Variants in HMBOX1 observed in about 807,000 individuals in gnomAD.
HMBOX1 encodes homeobox-containing protein 1.
HMBOX1 carries 14 observed loss-of-function variants against 54.5 expected under a neutral mutation model. The ratio of observed to expected loss-of-function variants is 0.26; its 90% CI spans 0.17 to 0.40. The LOEUF (loss-of-function observed/expected upper bound fraction) is 0.40, where lower values mean the gene tolerates loss of function less well. Among genes scored for constraint, HMBOX1 ranks in the 10% least tolerant of loss-of-function variants. HMBOX1 has a pLI of 1.00. For synonymous variants in HMBOX1, 160 were observed against 181.0 expected (o/e 0.88, Z 0.93); for missense variants, 332 against 514.4 (o/e 0.65, Z 3.43).
At chr8:29,019,007 C>G in intron 6 of HMBOX1, 94 bp downstream of exon 6, 4 of 1,057,796 alleles carry the variant, frequency 3.8e-6, no homozygotes, top group Non-Finnish European at 5.6e-6. Flanking sequence ...AAACAAGTAA[C>G]TTGGTATCTT....
At chr8:28,939,060 TGG>T (rs1302278711) in intron 1 of HMBOX1, among the ~76,000 whole-genome samples, 1 of 151,720 alleles carries the variant, frequency 6.6e-6, no homozygotes, top group East Asian at 1.9e-4. Flanking sequence ...GAGGCTGAGG[TGG>T]GCGGATCACC....
chr8:28,929,916 C>CT (rs1819183781), intron 1 of HMBOX1, among the ~76,000 whole-genome samples: 1 of 151,838 alleles, frequency 6.6e-6, no homozygotes, highest in Admixed American at 6.6e-5. Flanking sequence ...CAGAACGTTT[C>CT]TAACACCCCG....
chr8:28,951,015 A>C (rs1336344809), intron 1 of HMBOX1, among the ~76,000 whole-genome samples: 1 of 152,220 alleles, frequency 6.6e-6, no homozygotes, highest in Non-Finnish European at 1.5e-5. Context: ...CTCTAAGATC[A>C]TATGACAGTA....
intron 1 of HMBOX1, among the ~76,000 whole-genome samples, chr8:28,926,914 G>T (rs1175171298): frequency 1.3e-5 from 2 of 152,070 alleles, no homozygotes; most frequent in Non-Finnish European, 2.9e-5. Flanking sequence ...ATTTTTGTGA[G>T]GTAGGGAGTT....
At chr8:29,003,082 GT>G (rs995633019) in intron 4 of HMBOX1, among the ~76,000 whole-genome samples, 3 of 142,824 alleles carry the variant, frequency 2.1e-5, no homozygotes, top group African/African-American at 7.6e-5. Flanking sequence ...GTACAGTCTT[GT>G]CTTTTTTTTT....
intron 1 of HMBOX1, among the ~76,000 whole-genome samples, chr8:28,945,332 A>T (rs1206664091): frequency 6.6e-6 from 1 of 152,240 alleles, no homozygotes; most frequent in East Asian, 1.9e-4. Flanking sequence ...CAAACTGCTA[A>T]CAAGTGGTAG....
At chr8:28,898,224 C>G (rs1345172008) in intron 1 of HMBOX1, among the ~76,000 whole-genome samples, 1 of 116,604 alleles carries the variant, frequency 8.6e-6, no homozygotes, top group African/African-American at 3.3e-5. Context: ...TTTGTCAATA[C>G]TGTGATAATT....
At chr8:28,936,242 A>G (rs1820385209) in intron 1 of HMBOX1, among the ~76,000 whole-genome samples, 1 of 152,060 alleles carries the variant, frequency 6.6e-6, no homozygotes, top group Non-Finnish European at 1.5e-5. Context: ...GACTGTAGGA[A>G]TCAAACATGG....
intron 1 of HMBOX1, among the ~76,000 whole-genome samples, chr8:28,945,646 A>C (rs1822292074): frequency 1.3e-5 from 2 of 152,318 alleles, no homozygotes; most frequent in South Asian, 4.1e-4. Context: ...TCATGTAAAG[A>C]ATGAATTTTT....
intron 6 of HMBOX1, among the ~76,000 whole-genome samples, chr8:29,034,750 G>A (rs1475601331): frequency 6.6e-6 from 1 of 152,190 alleles, no homozygotes; most frequent in Non-Finnish European, 1.5e-5. Context: ...CCAGCTACTT[G>A]GGAGGCTGAG....
intron 6 of HMBOX1, among the ~76,000 whole-genome samples, chr8:29,027,956 A>G (rs1802331485): frequency 6.6e-6 from 1 of 152,214 alleles, no homozygotes; most frequent in Non-Finnish European, 1.5e-5. Context: ...TTGTTATTAA[A>G]TTCTGTCCAT....
intron 1 of HMBOX1, among the ~76,000 whole-genome samples, chr8:28,929,995 C>T (rs1819211052): frequency 6.9e-6 from 1 of 145,878 alleles, no homozygotes; most frequent in African/African-American, 2.5e-5. Context: ...TTCCTGCCTC[C>T]TACATCAGCA....
At chr8:29,023,934 G>C (rs1484505841) in intron 6 of HMBOX1, among the ~76,000 whole-genome samples, 1 of 151,888 alleles carries the variant, frequency 6.6e-6, no homozygotes, top group African/African-American at 2.4e-5. Context: ...ATTTTGAAAA[G>C]TTTCCAAGTG....
At chr8:28,955,884 C>T (rs1265970952) in intron 1 of HMBOX1, 1 of 146,350 alleles carries the variant, frequency 6.8e-6, no homozygotes, top group Non-Finnish European at 1.5e-5. Flanking sequence ...ATCCGGGAGG[C>T]AGAGGTTGCA....
In HMBOX1 at chr8:29,047,387, A is replaced by G; in HGVS notation, c.964A>G (p.Thr322Ala). The change falls in exon 8 of 10, where the codon ACC (threonine) becomes GCC (alanine). Residue 322 changes from threonine (T) to alanine (A), a missense_variant. Coordinates refer to ENST00000287701, the MANE Select transcript of HMBOX1 (RefSeq NM_001135726.3). ...GKKLSDLERV[T>A]SLKVYNWFAN... Reference sequence around the variant, plus strand: ...AAAGCTGTCAGATCTGGAAAGAGTTACCTCCCTGAAAGTATATAATTGGTT... The same window carrying G: ...AAAGCTGTCAGATCTGGAAAGAGTTGCCTCCCTGAAAGTATATAATTGGTT... 1 of 1,609,746 alleles carries G rather than the reference A, an allele frequency of 6.2e-7. No individual in the cohort carries two copies. Among genetic ancestry groups the G allele is most frequent in the African/African-American group, 1.3e-5 (1 of 74,904 alleles).
At chr8:28,963,757 A>G (rs552161572) in intron 1 of HMBOX1, 54 bp from the exon 2 acceptor site, 3 of 792,416 alleles carry the variant, frequency 3.8e-6, no homozygotes, top group South Asian at 4.0e-5. Context: ...TAAAATTTTT[A>G]TTCAGCACTT....
rs551809656 is a variant in HMBOX1 at position 28,992,427 on chromosome 8, T to A, written c.586+12271T>A. 2.0e-5 allele frequency among the ~76,000 whole-genome samples: 3 copies of A among 152,340 alleles called. No homozygotes were observed. The South Asian group carries it at 6.2e-4, about 32-fold the overall frequency. On this transcript the variant is annotated intron_variant, in intron 4 of 9. Coordinates refer to ENST00000287701, the MANE Select transcript of HMBOX1 (RefSeq NM_001135726.3). ...CATTCATGTCTCTCCAGATTGACTT[T>A]CCTAAAGCTAAGTTTCCTGAGGCTA...
In HMBOX1 at chr8:29,052,194, C is replaced by T. The variant is rs1472318057; in HGVS notation, c.*1039C>T. On this transcript the variant is annotated 3_prime_UTR_variant, in exon 10 of 10. Transcript: ENST00000287701. The stretch of plus-strand genomic sequence containing the variant: ...CGGAAGCCCCCTCACTCTGAGAGGT[C>T]ACTAGAGGACTTCATAGTGGGGTTG... The T allele has an allele frequency of 2.0e-5, 3 of 152,800 alleles. No homozygotes were observed. The highest frequency in any genetic ancestry group is 6.5e-5 in the Admixed American group (1 of 15,418). 9.5% of individuals were successfully genotyped at this position (152,800 alleles called of 1,614,324 possible). A position where few individuals can be genotyped will look rare whatever the true frequency, so the allele number is the denominator to read the frequency against.
At chr8:29,046,169 G>GA (rs1475342771) in intron 7 of HMBOX1, 5 of 152,168 alleles carry the variant, frequency 3.3e-5, no homozygotes, top group African/African-American at 1.2e-4. Context: ...AAATTAAGCA[G>GA]ACCTTCATTC....
Sources: gnomAD v4.1 joint callset for allele counts (sites outside exome capture counted in the v4.1 genomes callset) on GRCh38, gnomAD v4.1.1 for gene constraint, MANE v1.5 for transcripts, NCBI Gene and HGNC (gene_info 2026-07-23, HGNC 2026-07-21) for gene names.